The following PTPRG variants were observed in gnomAD, a reference collection of about 807,000 sequenced individuals.
PTPRG encodes the protein protein tyrosine phosphatase receptor type G.
A neutral mutation model predicts 165.3 loss-of-function variants in PTPRG; 102 were observed. The observed-to-expected ratio is 0.62, with a 90% CI of 0.53 to 0.73. The LOEUF is 0.73. PTPRG is among the 30% of genes least tolerant of loss of function. The pLI is 0.00. For missense variants in PTPRG, 1,866 were observed against 1,861.4 expected, an observed-to-expected ratio of 1.00 and a Z score of -0.05; for synonymous variants, 675 against 669.5, an observed-to-expected ratio of 1.01 and a Z score of -0.13.
At chr3:61,832,749 GT>G (rs745586757) in intron 2 of PTPRG, among the ~76,000 whole-genome samples, 1 of 152,050 alleles carries the variant, frequency 6.6e-6, no homozygotes, top group Non-Finnish European at 1.5e-5. Context: ...AGGGTATTTG[GT>G]TACATGAGTA....
intron 5 of PTPRG, 101 bp downstream of exon 5, chr3:62,078,359 C>T: frequency 1.4e-6 from 1 of 689,870 alleles, no homozygotes; most frequent in Non-Finnish European, 2.4e-6. Context: ...TTTTCTAGTT[C>T]ACACCTGTCC....
intron 1 of PTPRG, among the ~76,000 whole-genome samples, chr3:61,609,892 A>T (rs956467222): frequency 6.6e-6 from 1 of 151,974 alleles, no homozygotes; most frequent in East Asian, 1.9e-4. Flanking sequence ...TATTTCTATC[A>T]ATTTACACAG....
intron 16 of PTPRG, among the ~76,000 whole-genome samples, chr3:62,261,362 C>G (rs184993226): frequency 6.6e-6 from 1 of 152,332 alleles, no homozygotes; most frequent in African/African-American, 2.4e-5. Context: ...CTAAGTTTGG[C>G]TAGCATTGCT....
intron 1 of PTPRG, among the ~76,000 whole-genome samples, chr3:61,710,207 C>G (rs927838508): frequency 3.3e-5 from 5 of 152,166 alleles, no homozygotes; most frequent in Admixed American, 6.5e-5. Flanking sequence ...AAAATGGAAA[C>G]AGCTAGTATG....
At chr3:61,701,598 G>T (rs2030964000) in intron 1 of PTPRG, among the ~76,000 whole-genome samples, 1 of 152,150 alleles carries the variant, frequency 6.6e-6, no homozygotes, top group African/African-American at 2.4e-5. Context: ...AATAATGATG[G>T]TGATAGAAAT....
At chr3:61,760,168 G>C (rs1380147702) in intron 2 of PTPRG, among the ~76,000 whole-genome samples, 1 of 152,154 alleles carries the variant, frequency 6.6e-6, no homozygotes, top group Non-Finnish European at 1.5e-5. Flanking sequence ...AAAGCCTCTT[G>C]TTTTGTGCCA....
intron 2 of PTPRG, among the ~76,000 whole-genome samples, chr3:61,767,239 TCAAAA>T (rs2034051784): frequency 2.7e-5 from 2 of 73,080 alleles, no homozygotes; most frequent in African/African-American, 4.9e-5. Context: ...AGATTCCATC[TCAAAA>T]AAAAAAAAAA....
At chr3:61,707,123 A>G (rs2106730908) in intron 1 of PTPRG, among the ~76,000 whole-genome samples, 1 of 152,278 alleles carries the variant, frequency 6.6e-6, no homozygotes, top group East Asian at 1.9e-4. Flanking sequence ...TAAATATTTC[A>G]TAGTTTATGG....
chr3:61,918,089 C>T (rs771998307), intron 2 of PTPRG, among the ~76,000 whole-genome samples: 2 of 152,074 alleles, frequency 1.3e-5, no homozygotes, highest in Non-Finnish European at 2.9e-5. Flanking sequence ...ATTTTTTCCC[C>T]TATAACTTGG....
chr3:61,599,855 TTATAATAGAA>T (rs1255292103), intron 1 of PTPRG, among the ~76,000 whole-genome samples: 2 of 151,814 alleles, frequency 1.3e-5, no homozygotes, highest in African/African-American at 4.8e-5. Context: ...TGTAAAGGCT[TTATAATAGAA>T]TAGAATAGAA....
intron 7 of PTPRG, among the ~76,000 whole-genome samples, chr3:62,161,677 T>C (rs1272699561): frequency 6.6e-6 from 1 of 152,254 alleles, no homozygotes; most frequent in Non-Finnish European, 1.5e-5. Flanking sequence ...AAGCCCTTTC[T>C]ATAATCACCT....
chr3:61,600,965 C>CT (rs1297777644), intron 1 of PTPRG, among the ~76,000 whole-genome samples: 1 of 152,142 alleles, frequency 6.6e-6, no homozygotes, highest in African/African-American at 2.4e-5. Context: ...TTAAAAAGAG[C>CT]TTTTTTGGGC....
At chr3:62,000,754 A>G (rs2041154742) in intron 3 of PTPRG, among the ~76,000 whole-genome samples, 1 of 152,180 alleles carries the variant, frequency 6.6e-6, no homozygotes, top group Non-Finnish European at 1.5e-5. Flanking sequence ...GAAAACAGAG[A>G]GTTACACCTG....
At chr3:62,132,412 T>C (rs1703549027) in intron 5 of PTPRG, among the ~76,000 whole-genome samples, 190 bp from the exon 6 acceptor site, 1 of 152,214 alleles carries the variant, frequency 6.6e-6, no homozygotes, top group Non-Finnish European at 1.5e-5. Flanking sequence ...TTTCTTTTGA[T>C]TTAAACTTCC....
At chr3:62,127,684 A>G (rs1445236620) in intron 5 of PTPRG, among the ~76,000 whole-genome samples, 1 of 152,194 alleles carries the variant, frequency 6.6e-6, no homozygotes, top group Non-Finnish European at 1.5e-5. Flanking sequence ...TGACCATCCT[A>G]TTTAGCAGAT....
At chr3:61,984,856 G>GGAGTGTTTGTCAATTATATA (rs1231247395) in intron 2 of PTPRG, among the ~76,000 whole-genome samples, 2 of 152,188 alleles carry the variant, frequency 1.3e-5, no homozygotes, top group Non-Finnish European at 2.9e-5. Flanking sequence ...ACACTTTTGA[G>GGAGTGTTTGTCAATTATATA]GAGTGTTTGT....
At chr3:62,078,898 T>C (rs192455179) in intron 5 of PTPRG, among the ~76,000 whole-genome samples, 7 of 152,332 alleles carry the variant, frequency 4.6e-5, no homozygotes, top group Non-Finnish European at 2.9e-5. Context: ...GTAGTGTTGA[T>C]CAGTGAGTGC....
rs191568834 is a variant in PTPRG at position 62,222,358 on chromosome 3, C to T, written c.2288+3375C>T. Among the ~76,000 whole-genome samples the T allele has an allele frequency of 2.0e-5, 3 of 152,302 alleles. No homozygotes were observed. The highest frequency in any genetic ancestry group is 2.1e-4 in the South Asian group (1 of 4,828). On this transcript the variant is annotated intron_variant, in intron 13 of 29. Coordinates refer to ENST00000474889, the MANE Select transcript of PTPRG (RefSeq NM_002841.4). The surrounding 1 kb of genome is among the most constrained non-coding windows in gnomAD (Gnocchi z 4.5). Reference sequence around the variant, plus strand: ...GGATTTGCTGTCTGTGTGGTCTTCTCGCTCAAGCAGGCCCTCTGCCTGTTT... The same window carrying T: ...GGATTTGCTGTCTGTGTGGTCTTCTTGCTCAAGCAGGCCCTCTGCCTGTTT...
At chr3:61,740,938 A>C (rs1249541041) in intron 1 of PTPRG, among the ~76,000 whole-genome samples, 1 of 152,226 alleles carries the variant, frequency 6.6e-6, no homozygotes, top group Non-Finnish European at 1.5e-5. Flanking sequence ...CAGTGCTTAC[A>C]AAGGAACACA....
Sources: gnomAD v4.1 joint callset for allele counts (sites outside exome capture counted in the v4.1 genomes callset) on GRCh38, gnomAD v4.1.1 for gene constraint, Gnocchi (gnomAD v3.1) non-coding constraint, MANE v1.5 for transcripts, NCBI Gene and HGNC (gene_info 2026-07-23, HGNC 2026-07-21) for gene names.